The following TRAF7 variants were observed in gnomAD, a reference collection of about 807,000 sequenced individuals.
TRAF7 encodes the protein TNF receptor associated factor 7.
In TRAF7, 45 loss-of-function variants were observed where a neutral mutation model predicts 89.3. That is an observed-to-expected ratio of 0.50 (90% CI 0.40 to 0.65). TRAF7 has a LOEUF of 0.65. TRAF7 is among the 30% of genes least tolerant of loss of function. The probability of loss-of-function intolerance (pLI) is 0.00; values close to 1 mark genes in which losing one functional copy is unlikely to be tolerated. For synonymous variants in TRAF7, 406 were observed against 369.2 expected (o/e 1.10, Z -1.14); for missense variants, 677 against 918.1 (o/e 0.74, Z 3.39).
At chr16:2,173,695 C>T in intron 11 of TRAF7, 93 bp from the exon 12 acceptor site, 3 of 1,579,366 alleles carry the variant, frequency 1.9e-6, no homozygotes, top group South Asian at 1.1e-5. Context: ...CACCCCTGCC[C>T]ACCCCTGGCC....
chr16:2,174,081 T>A (rs201084210), intron 13 of TRAF7, 33 bp downstream of exon 13: 1 of 1,610,364 alleles, frequency 6.2e-7, no homozygotes, highest in East Asian at 2.2e-5. Context: ...CTCTGCAGCC[T>A]GGCTGGGCTG....
rs1295933807 is a variant in TRAF7, at chr16:2,177,686, A to G, written c.*1112A>G. On this transcript the variant is annotated 3_prime_UTR_variant, in exon 21 of 21. Transcript: ENST00000326181. ...GCAAGCCCGTGGCCTGGCCTGCTAC[A>G]TGCCCTGCTTCCACGTGGCTGCCAC... 1 of 244,662 alleles carries G rather than the reference A, an allele frequency of 4.1e-6. No homozygotes were observed. Among genetic ancestry groups the G allele is most frequent in the Non-Finnish European group, 8.0e-6 (1 of 124,534 alleles). 15.2% of individuals were successfully genotyped at this position (244,662 alleles called of 1,614,324 possible). A position where few individuals can be genotyped will look rare whatever the true frequency, so the allele number is the denominator to read the frequency against.
rs373364289 is a variant in TRAF7 at position 2,166,060 on chromosome 16, C to A, written c.139+124C>A. On this transcript the variant is annotated intron_variant, in intron 3 of 20. Coordinates refer to ENST00000326181, the MANE Select transcript of TRAF7 (RefSeq NM_032271.3). ...GTTGGGTGCCAGTGCTGGGCGCGGG[C>A]AGCCTCACACCGCAGCCTGTGTCCT... 7.5e-5 allele frequency: 89 copies of A among 1,190,112 alleles called. 1 individual carries two copies. The highest frequency in any genetic ancestry group is 3.9e-4 in the Middle Eastern group (2 of 5,082). The allele number at this position is 1,190,112 out of a possible 1,614,324, so 73.7% of individuals were successfully genotyped here. A position where few individuals can be genotyped will look rare whatever the true frequency, so the allele number is the denominator to read the frequency against.
chr16:2,167,979 A>C, intron 3 of TRAF7, 98 bp from the exon 4 acceptor site: 1 of 1,111,230 alleles, frequency 9.0e-7, no homozygotes, highest in Non-Finnish European at 1.3e-6. Flanking sequence ...GCTGTGAGCT[A>C]CAGGGGACCC....
chr16:2,168,322 C>A lies in TRAF7; in HGVS notation c.231+154C>A. Reference sequence around the variant, plus strand: ...TACCCTGAGGCCTCGGCAGACATGGCAAGTCTGTGAGAAAGGAGGCTCCTG... The same window carrying A: ...TACCCTGAGGCCTCGGCAGACATGGAAAGTCTGTGAGAAAGGAGGCTCCTG... On this transcript the variant is annotated intron_variant, in intron 4 of 20. Transcript: ENST00000326181. The surrounding 1 kb of genome is among the most constrained non-coding windows in gnomAD (Gnocchi z 4.1). 1.6e-6 allele frequency: 1 copy of A among 610,156 alleles called. No homozygotes were observed. The highest frequency in any genetic ancestry group is 2.8e-6 in the Non-Finnish European group (1 of 358,884). 37.8% of individuals were successfully genotyped at this position (610,156 alleles called of 1,614,324 possible). A position where few individuals can be genotyped will look rare whatever the true frequency, so the allele number is the denominator to read the frequency against.
rs1283007916 is a variant in TRAF7 at position 2,161,044 on chromosome 16, CT to C, written c.-38-2837del. Among the ~76,000 whole-genome samples the C allele has an allele frequency of 6.6e-6, 1 of 152,122 alleles. No homozygotes were observed. Among genetic ancestry groups the C allele is most frequent in the Non-Finnish European group, 1.5e-5 (1 of 68,002 alleles). On this transcript the variant is annotated intron_variant, in intron 1 of 20. Transcript: ENST00000326181. This position sits in a 1 kb window ranked among gnomAD's most constrained non-coding sequence, Gnocchi z 5.2. ...TCCGAGGTGCGGGGATGGATCCTGC[CT>C]TAGGGCGGGACACAAACGTTCCCTG...
At chr16:2,167,252 G>C (rs1347144561) in intron 3 of TRAF7, among the ~76,000 whole-genome samples, 1 of 152,134 alleles carries the variant, frequency 6.6e-6, no homozygotes, top group Non-Finnish European at 1.5e-5. Context: ...AGGCAGCAGG[G>C]CGCCCACAGG....
Position 2,161,294 on chromosome 16 carries a change from G to A in TRAF7, c.-38-2589G>A, listed in dbSNP as rs901017450. On this transcript the variant is annotated intron_variant, in intron 1 of 20. Transcript: ENST00000326181. The surrounding 1 kb of genome is among the most constrained non-coding windows in gnomAD (Gnocchi z 5.2). ...CAGCTGGCGCTCGATGGGGTCTTGC[G>A]CACACCCCACAGATCCTGTGGTGTT... 2.0e-5 allele frequency among the ~76,000 whole-genome samples: 3 copies of A among 150,658 alleles called. No homozygotes were observed. The highest frequency in any genetic ancestry group is 4.9e-5 in the African/African-American group (2 of 40,910).
intron 5 of TRAF7, 84 bp downstream of exon 5, chr16:2,170,814 C>T: frequency 2.3e-6 from 3 of 1,301,300 alleles, no homozygotes; most frequent in Non-Finnish European, 3.2e-6. Flanking sequence ...CTCCGCCATG[C>T]CCGCCCAGCT....
rs2093062784 is a variant in TRAF7 at position 2,162,749 on chromosome 16, G to T, written c.-38-1134G>T. On this transcript the variant is annotated intron_variant, in intron 1 of 20. Coordinates refer to ENST00000326181, the MANE Select transcript of TRAF7 (RefSeq NM_032271.3). This position sits in a 1 kb window ranked among gnomAD's most constrained non-coding sequence, Gnocchi z 5.0. ...GGTGCTGCGCATGGGCCTCGAGGTG[G>T]ACAGTGCAGGTGGGCCCGGGGCAGG... Among the ~76,000 whole-genome samples, 1 of 152,070 alleles carries T rather than the reference G, an allele frequency of 6.6e-6. No homozygotes were observed. The highest frequency in any genetic ancestry group is 2.1e-4 in the South Asian group (1 of 4,826).
intron 3 of TRAF7, 146 bp downstream of exon 3, chr16:2,166,082 T>C: frequency 2.1e-6 from 2 of 945,786 alleles, no homozygotes; most frequent in Non-Finnish European, 3.2e-6. Flanking sequence ...GCAGCCTGTG[T>C]CCTCACAGCC....
In TRAF7 at chr16:2,168,299, C is replaced by A; in HGVS notation, c.231+131C>A. On this transcript the variant is annotated intron_variant, in intron 4 of 20. Transcript: ENST00000326181. The surrounding 1 kb of genome is among the most constrained non-coding windows in gnomAD (Gnocchi z 4.1). ...AGGAGAAGAAGAGCACCTGTGGATACCCTGAGGCCTCGGCAGACATGGCAA... is the reference window on the plus strand; with the variant it reads ...AGGAGAAGAAGAGCACCTGTGGATAACCTGAGGCCTCGGCAGACATGGCAA... 1 of 700,506 alleles carries A rather than the reference C, an allele frequency of 1.4e-6. No homozygotes were observed. Among genetic ancestry groups the A allele is most frequent in the Non-Finnish European group, 2.3e-6 (1 of 430,890 alleles). The allele number at this position is 700,506 out of a possible 1,614,324, so 43.4% of individuals were successfully genotyped here. A position where few individuals can be genotyped will look rare whatever the true frequency, so the allele number is the denominator to read the frequency against.
chr16:2,176,656 G>A lies in TRAF7; in HGVS notation c.*82G>A, dbSNP rs2093138303. The A allele has an allele frequency of 3.1e-6, 5 of 1,606,436 alleles. No individual in the cohort carries two copies. Among genetic ancestry groups the A allele is most frequent in the African/African-American group, 2.7e-5 (2 of 74,786 alleles). On this transcript the variant is annotated 3_prime_UTR_variant, in exon 21 of 21. Coordinates refer to ENST00000326181, the MANE Select transcript of TRAF7 (RefSeq NM_032271.3). The stretch of plus-strand genomic sequence containing the variant: ...AGGCTGGCCACATGGGGTGGTCTCG[G>A]GGTTTCTGCCTGCCCCGTGGGCATA...
At position 2,176,934 on chromosome 16, in the gene TRAF7, CTG is replaced by C. The variant is rs2093139619; in HGVS notation, c.*363_*364del. 12 of 456,884 alleles carry C rather than the reference CTG, an allele frequency of 2.6e-5. No homozygotes were observed. In the East Asian group the frequency reaches 4.6e-4, roughly 17 times the overall value. The allele number at this position is 456,884 out of a possible 1,614,324, so 28.3% of individuals were successfully genotyped here. On this transcript the variant is annotated 3_prime_UTR_variant, in exon 21 of 21. Coordinates refer to ENST00000326181, the MANE Select transcript of TRAF7 (RefSeq NM_032271.3). ...CTGGTTGAAATAAATGCTCCACAGA[CTG>C]TGGCTGTGAGTGGGGACAGCTCCTC... is the stretch of plus-strand genomic sequence containing the variant.
At chr16:2,173,097 G>A (rs1358735919) in intron 9 of TRAF7, 85 bp from the exon 10 acceptor site, 6 of 1,335,456 alleles carry the variant, frequency 4.5e-6, no homozygotes, top group Non-Finnish European at 6.2e-6. Context: ...AGCGGCCACA[G>A]GGCTGGAGCA....
Position 2,163,708 on chromosome 16 carries a change from C to T in TRAF7, c.-38-175C>T, listed in dbSNP as rs1240179582. On this transcript the variant is annotated intron_variant, in intron 1 of 20. Coordinates refer to ENST00000326181, the MANE Select transcript of TRAF7 (RefSeq NM_032271.3). This position sits in a 1 kb window ranked among gnomAD's most constrained non-coding sequence, Gnocchi z 4.3. Reference sequence around the variant, plus strand: ...GCCCGGGCCTCTGCATACCTGGGATCGGGGTGAAGGACCTTTGCCTCCTAG... The same window carrying T: ...GCCCGGGCCTCTGCATACCTGGGATTGGGGTGAAGGACCTTTGCCTCCTAG... 1.5e-5 allele frequency: 9 copies of T among 595,120 alleles called. No homozygotes were observed. Among genetic ancestry groups the T allele is most frequent in the Admixed American group, 5.7e-5 (2 of 35,212 alleles). 36.9% of individuals were successfully genotyped at this position (595,120 alleles called of 1,614,324 possible).
intron 17 of TRAF7, 60 bp from the exon 18 acceptor site, chr16:2,175,774 G>A: frequency 1.2e-6 from 2 of 1,603,814 alleles, no homozygotes; most frequent in African/African-American, 1.3e-5. Context: ...CCCTGGGGGT[G>A]CGGGGGCCCT....
chr16:2,171,006 G>A (rs2093107088), intron 5 of TRAF7, among the ~76,000 whole-genome samples: 1 of 152,234 alleles, frequency 6.6e-6, no homozygotes, highest in South Asian at 2.1e-4. Context: ...TCTCACCCCA[G>A]GAAGGAGGCG....
Position 2,176,670 on chromosome 16 carries a change from C to G in TRAF7, c.*96C>G. The G allele has an allele frequency of 6.3e-7, 1 of 1,582,166 alleles. No homozygotes were observed. Among genetic ancestry groups the G allele is most frequent in the Non-Finnish European group, 8.7e-7 (1 of 1,155,826 alleles). On this transcript the variant is annotated 3_prime_UTR_variant, in exon 21 of 21. Coordinates refer to ENST00000326181, the MANE Select transcript of TRAF7 (RefSeq NM_032271.3). ...GGGTGGTCTCGGGGTTTCTGCCTGCCCCGTGGGCATAGGTGGACAGGCTCT... is the reference window on the plus strand; with the variant it reads ...GGGTGGTCTCGGGGTTTCTGCCTGCGCCGTGGGCATAGGTGGACAGGCTCT...
Sources: gnomAD v4.1 joint callset for allele counts (sites outside exome capture counted in the v4.1 genomes callset) on GRCh38, gnomAD v4.1.1 for gene constraint, Gnocchi (gnomAD v3.1) non-coding constraint, MANE v1.5 for transcripts, NCBI Gene and HGNC (gene_info 2026-07-23, HGNC 2026-07-21) for gene names.